Variants in MUC5AC observed in about 807,000 individuals in gnomAD.
The protein encoded by MUC5AC is mucin-5AC.
MUC5AC carries 158 observed loss-of-function variants against 169.7 expected under a neutral mutation model. The ratio of observed to expected loss-of-function variants is 0.93; its 90% CI spans 0.82 to 1.06. The LOEUF is 1.06. Among genes scored for constraint, MUC5AC ranks in the 50% least tolerant of loss-of-function variants. The probability of loss-of-function intolerance (pLI) is 0.00; values close to 1 mark genes in which losing one functional copy is unlikely to be tolerated. For synonymous variants in MUC5AC, 1,975 were observed against 1,237.0 expected (o/e 1.60, Z -12.52); for missense variants, 4,359 against 3,089.9 (o/e 1.41, Z -9.74).
At chr11:1,171,217 CT>C in intron 15 of MUC5AC, among the ~76,000 whole-genome samples, 1 of 135,072 alleles carries the variant, frequency 7.4e-6, no homozygotes, top group African/African-American at 2.8e-5. Context: ...AACTTACTCA[CT>C]CACCCACTCA....
In MUC5AC at chr11:1,193,668, A is replaced by G. The variant is rs1463809749; in HGVS notation, c.14755+9A>G. ...TCACTACCAGTGCCAGTGTGAGTGGAGCGCCGAGCGGGACCCAGGGCAGCC... is the reference window on the plus strand; with the variant it reads ...TCACTACCAGTGCCAGTGTGAGTGGGGCGCCGAGCGGGACCCAGGGCAGCC... On this transcript the variant is annotated intron_variant, in intron 33 of 48. Transcript: ENST00000621226. 3 of 763,832 alleles carry G rather than the reference A, an allele frequency of 3.9e-6. No individual in the cohort carries two copies. The highest frequency in any genetic ancestry group is 1.7e-5 in the Admixed American group (1 of 59,000). The allele number at this position is 763,832 out of a possible 1,614,324, so 47.3% of individuals were successfully genotyped here. A position where few individuals can be genotyped will look rare whatever the true frequency, so the allele number is the denominator to read the frequency against.
Position 1,196,489 on chromosome 11 carries a change from C to T in MUC5AC, c.15725+14C>T, listed in dbSNP as rs75133992. On this transcript the variant is annotated intron_variant, in intron 38 of 48. Coordinates refer to ENST00000621226, the MANE Select transcript of MUC5AC (RefSeq NM_001304359.2). The stretch of plus-strand genomic sequence containing the variant: ...CGCCAGCCTCGGGTAGGCACCCTCC[C>T]TCCTGGCCCTGCCATGGGCTGCTGG... 2,148 of 764,964 alleles carry T rather than the reference C, an allele frequency of 2.8e-3. 10 individuals are homozygous for T. The highest frequency in any genetic ancestry group is 8.3e-3 in the Middle Eastern group (37 of 4,436). 47.4% of individuals were successfully genotyped at this position (764,964 alleles called of 1,614,324 possible). A position where few individuals can be genotyped will look rare whatever the true frequency, so the allele number is the denominator to read the frequency against.
chr11:1,186,047 T>C lies in MUC5AC; in HGVS notation c.7902T>C (p.Thr2634=). 1 of 722,606 alleles carries C rather than the reference T, an allele frequency of 1.4e-6. No homozygotes were observed. Among genetic ancestry groups the C allele is most frequent in the Non-Finnish European group, 2.5e-6 (1 of 399,150 alleles). The allele number at this position is 722,606 out of a possible 1,614,324, so 44.8% of individuals were successfully genotyped here. A position where few individuals can be genotyped will look rare whatever the true frequency, so the allele number is the denominator to read the frequency against. ...TTTSRISGPE[T]TPSPVPTAST... ...CCAGCAGAATCTCTGGTCCTGAAAC[T>C]ACTCCCAGCCCTGTTCCTACCGCCA... The change falls in exon 31 of 49, where the codon ACT becomes ACC. Residue 2634 remains threonine (T), a synonymous_variant. Coordinates refer to ENST00000621226, the MANE Select transcript of MUC5AC (RefSeq NM_001304359.2).
Position 1,162,093 on chromosome 11 carries a change from T to G in MUC5AC, c.398T>G (p.Leu133Arg). The G allele has an allele frequency of 1.9e-6, 3 of 1,612,686 alleles. No homozygotes were observed. The highest frequency in any genetic ancestry group is 2.5e-6 in the Non-Finnish European group (3 of 1,179,834). ...RRSQESAAPTLSRVLMKVDGV... is the reference protein window; with the variant it reads ...RRSQESAAPTRSRVLMKVDGV... ...AGCCAGGAGTCAGCGGCCCCCACGCTGAGCAGGGTCCTCATGAAGGTGGAT... is the reference window on the plus strand; with the variant it reads ...AGCCAGGAGTCAGCGGCCCCCACGCGGAGCAGGGTCCTCATGAAGGTGGAT... The change falls in exon 4 of 49, where the codon CTG becomes CGG. Residue 133 changes from leucine (L) to arginine (R), a missense_variant. Leu to Arg is a moderately radical substitution (Grantham distance 102). Transcript: ENST00000621226.
Position 1,167,958 on chromosome 11 carries a change from G to C in MUC5AC, c.1468G>C (p.Val490Leu), listed in dbSNP as rs140943417. 6.4e-7 allele frequency: 1 copy of C among 1,550,824 alleles called. No individual in the cohort carries two copies. The change falls in exon 12 of 49, where the codon GTG (valine) becomes CTG (leucine). Residue 490 changes from valine (V) to leucine (L), a missense_variant. Physicochemically the swap from Val to Leu is conservative, Grantham distance 32. Coordinates refer to ENST00000621226, the MANE Select transcript of MUC5AC (RefSeq NM_001304359.2). ...LTDSETCLKS[V>L]TLSLDGAQTV... The stretch of plus-strand genomic sequence containing the variant: ...GGACAGCGAGACCTGCCTGAAGAGC[G>C]TGACACTGAGCCTGGATGGGGCGCA...
chr11:1,186,367 C>T lies in MUC5AC; in HGVS notation c.8222C>T (p.Thr2741Ile). The T allele has an allele frequency of 9.8e-6, 7 of 713,264 alleles. No homozygotes were observed. The South Asian group carries it at 1.0e-4, about 10-fold the overall frequency. 44.2% of individuals were successfully genotyped at this position (713,264 alleles called of 1,614,324 possible). ...STTSATTTST[T>I]SAPTPRRTSA... is the part of the protein sequence containing the mutation. ...ACCTCTGCCACTACAACCAGCACGA[C>T]CTCTGCTCCTACACCCAGAAGAACC... is the stretch of plus-strand genomic sequence containing the variant. Residue 2741 changes from threonine to isoleucine, a missense_variant, in exon 31 of 49, where the codon ACC (threonine) becomes ATC (isoleucine). By Grantham distance (89) the Thr-to-Ile change is moderately conservative. Transcript: ENST00000621226.
At chr11:1,162,909 A>G (rs1479439319) in intron 5 of MUC5AC, 46 bp from the exon 6 acceptor site, 6 of 1,547,436 alleles carry the variant, frequency 3.9e-6, no homozygotes, top group Non-Finnish European at 4.5e-6. Context: ...TCATCTGTCC[A>G]TCTGCCCCTG....
At chr11:1,163,792 G>A (rs1860217004) in intron 6 of MUC5AC, 90 bp from the exon 7 acceptor site, 1 of 1,053,390 alleles carries the variant, frequency 9.5e-7, no homozygotes, top group Admixed American at 2.1e-5. Flanking sequence ...CCCCACCCCA[G>A]GGACCCGGCC....
At position 1,168,948 on chromosome 11, in the gene MUC5AC, A is replaced by G; in HGVS notation, c.1792A>G (p.Asn598Asp). 1 of 1,611,634 alleles carries G rather than the reference A, an allele frequency of 6.2e-7. No individual in the cohort carries two copies. The highest frequency in any genetic ancestry group is 8.5e-7 in the Non-Finnish European group (1 of 1,179,318). The change falls in exon 15 of 49, where the codon AAC becomes GAC. Residue 598 changes from asparagine (N) to aspartate (D), a missense_variant. Physicochemically the swap from Asn to Asp is conservative, Grantham distance 23. Coordinates refer to ENST00000621226, the MANE Select transcript of MUC5AC (RefSeq NM_001304359.2). ...GGAGGCCACCGCTGCGGCCTTCTTC[A>G]ACACCTTCAAGACCCAGGCCGCCTG... ...VVEATAAAFF[N>D]TFKTQAACPN...
At chr11:1,176,306 AG>A (rs1860687060) in intron 20 of MUC5AC, 55 bp downstream of exon 20, 3 of 398,614 alleles carry the variant, frequency 7.5e-6, no homozygotes, top group Admixed American at 4.4e-5. Context: ...CTGCCTGCTA[AG>A]GGCGCCTGTC....
intron 16 of MUC5AC, among the ~76,000 whole-genome samples, chr11:1,173,681 C>T (rs1209699754): frequency 6.6e-6 from 1 of 151,526 alleles, no homozygotes; most frequent in Non-Finnish European, 1.5e-5. Flanking sequence ...CTCATTCACT[C>T]ATTTACTCAC....
In MUC5AC at chr11:1,187,359, C is replaced by A. The variant is rs1860977990; in HGVS notation, c.9214C>A (p.Pro3072Thr). ...TCCTGGAACTACCCCAAGCCCTGTT[C>A]CCACCACCAGCACAACCTCTGCTCC... ...SGPGTTPSPV[P>T]TTSTTSAPTT... Residue 3072 changes from proline (P) to threonine (T), a missense_variant, in exon 31 of 49, where the codon CCC becomes ACC. Transcript: ENST00000621226. 1 of 744,698 alleles carries A rather than the reference C, an allele frequency of 1.3e-6. No individual in the cohort carries two copies. The highest frequency in any genetic ancestry group is 2.5e-6 in the Non-Finnish European group (1 of 407,652). 46.1% of individuals were successfully genotyped at this position (744,698 alleles called of 1,614,324 possible).
rs551190867 is a variant in MUC5AC at position 1,169,030 on chromosome 11, C to T, written c.1870+4C>T. On this transcript the variant is annotated splice_donor_region_variant and intron_variant, in intron 15 of 48. Transcript: ENST00000621226. Reference sequence around the variant, plus strand: ...TGCTCTCTGAGCGTGGAGAATGGTACGGGTGTCCACGGCTCGCCTCTGTGC... The same window carrying T: ...TGCTCTCTGAGCGTGGAGAATGGTATGGGTGTCCACGGCTCGCCTCTGTGC... The T allele has an allele frequency of 4.9e-5, 76 of 1,563,122 alleles. No individual in the cohort carries two copies. Among genetic ancestry groups the T allele is most frequent in the South Asian group, 4.6e-4 (39 of 84,352 alleles).
At position 1,178,945 on chromosome 11, in the gene MUC5AC, C is replaced by T. The variant is rs1009593577; in HGVS notation, c.3328-147C>T. On this transcript the variant is annotated intron_variant, in intron 25 of 48. Transcript: ENST00000621226. The stretch of plus-strand genomic sequence containing the variant: ...CAGGCACTGTGGATATCCAGATGGG[C>T]CCAGCCGGCCACTTGGGGATGGGCA... The T allele has an allele frequency of 1.8e-4, 81 of 441,296 alleles. No homozygotes were observed. In the East Asian group the frequency reaches 2.5e-3, roughly 14 times the overall value. The allele number at this position is 441,296 out of a possible 1,614,324, so 27.3% of individuals were successfully genotyped here. A position where few individuals can be genotyped will look rare whatever the true frequency, so the allele number is the denominator to read the frequency against.
In MUC5AC at chr11:1,183,874, T is replaced by A; in HGVS notation, c.5729T>A (p.Phe1910Tyr). ...ACCGCTACCTCTGTCAAAAAAACTT[T>A]CTCAACTCCCAGCCCTCCGCCAGTG... ...PGTATSVKKTFSTPSPPPVPA... is the reference protein window; with the variant it reads ...PGTATSVKKTYSTPSPPPVPA... Residue 1910 changes from phenylalanine (F) to tyrosine (Y), a missense_variant, in exon 31 of 49, where the codon TTC becomes TAC. By Grantham distance (22) the Phe-to-Tyr change is conservative (BLOSUM62 3). Transcript: ENST00000621226. The A allele has an allele frequency of 2.5e-6, 1 of 403,076 alleles. No homozygotes were observed. The highest frequency in any genetic ancestry group is 4.3e-6 in the Non-Finnish European group (1 of 231,394). The allele number at this position is 403,076 out of a possible 1,614,324, so 25.0% of individuals were successfully genotyped here.
intron 20 of MUC5AC, 122 bp from the exon 21 acceptor site, chr11:1,176,392 T>G (rs971201742): frequency 3.0e-4 from 118 of 398,688 alleles, no homozygotes; most frequent in Non-Finnish European, 5.0e-4. Context: ...CCCCTGCCCA[T>G]GCGCTCCCGG....
At chr11:1,170,330 A>G (rs1410271971) in intron 15 of MUC5AC, among the ~76,000 whole-genome samples, 1 of 111,208 alleles carries the variant, frequency 9.0e-6, no homozygotes, top group Non-Finnish European at 1.8e-5. Context: ...TCACTGACTC[A>G]ACCATTCACT....
rs373591887 is a variant in MUC5AC at position 1,164,513 on chromosome 11, C to T, written c.1110C>T (p.Ala370=). 130 of 1,611,246 alleles carry T rather than the reference C, an allele frequency of 8.1e-5. No individual in the cohort carries two copies. Among genetic ancestry groups the T allele is most frequent in the African/African-American group, 2.7e-4 (20 of 75,046 alleles). Reference sequence around the variant, plus strand: ...GGGCCTGTGAGGACCACTGTGTGGCCGGCTGCTTCTGCCCTGAGGGTGAGG... The same window carrying T: ...GGGCCTGTGAGGACCACTGTGTGGCTGGCTGCTTCTGCCCTGAGGGTGAGG... ...HSRACEDHCV[A]GCFCPEGTVL... is the part of the protein sequence containing the mutation. The change falls in exon 9 of 49, where the codon GCC becomes GCT. Residue 370 remains alanine (A), a synonymous_variant. Coordinates refer to ENST00000621226, the MANE Select transcript of MUC5AC (RefSeq NM_001304359.2).
In MUC5AC at chr11:1,188,026, A is replaced by G. The variant is rs1554928449; in HGVS notation, c.9881A>G (p.Glu3294Gly). 1.3e-6 allele frequency: 1 copy of G among 758,670 alleles called. No homozygotes were observed. The highest frequency in any genetic ancestry group is 2.4e-5 in the East Asian group (1 of 41,252). 47.0% of individuals were successfully genotyped at this position (758,670 alleles called of 1,614,324 possible). The change falls in exon 31 of 49, where the codon GAG becomes GGG. Residue 3294 changes from glutamate to glycine, a missense_variant. Glu to Gly is a moderately conservative substitution (Grantham distance 98). Transcript: ENST00000621226. ...LGQVVQCSRE[E>G]GLVCRNQDQQ... ...CAGGTGGTGCAGTGCAGCCGTGAAGAGGGCCTGGTGTGCCGGAACCAGGAC... is the reference window on the plus strand; with the variant it reads ...CAGGTGGTGCAGTGCAGCCGTGAAGGGGGCCTGGTGTGCCGGAACCAGGAC...
Sources: allele counts gnomAD v4.1 joint callset (sites outside exome capture counted in the v4.1 genomes callset), GRCh38; gene constraint gnomAD v4.1.1; transcripts MANE v1.5; gene names NCBI Gene and HGNC (gene_info 2026-07-23, HGNC 2026-07-21).